AVEN: variants seen among roughly 807,000 people sequenced by gnomAD.
AVEN encodes the protein apoptosis and caspase activation inhibitor.
Under a neutral mutation model 38.1 loss-of-function variants are expected in AVEN, and 41 were observed. The observed-to-expected ratio is 1.08, with a 90% CI of 0.84 to 1.40. The LOEUF is 1.40. Ranked by LOEUF, AVEN falls within the 40% of genes most tolerant of loss-of-function variation. AVEN has a pLI of 0.00. For missense variants in AVEN, 605 were observed against 438.8 expected (o/e 1.38, Z -3.38); for synonymous variants, 206 against 171.8 (o/e 1.20, Z -1.56).
chr15:33,857,875 C>G, downstream of AVEN: 1 of 1,614,174 alleles, frequency 6.2e-7, no homozygotes, highest in Non-Finnish European at 8.5e-7. Context: ...AAAGCGAAGA[C>G]GATGACGAGC....
At chr15:33,998,926 A>G (rs568325339) in intron 2 of AVEN, among the ~76,000 whole-genome samples, 2 of 152,214 alleles carry the variant, frequency 1.3e-5, no homozygotes, top group Non-Finnish European at 2.9e-5. Flanking sequence ...TATCATCTAT[A>G]GGCTGGCATC....
intron 2 of AVEN, among the ~76,000 whole-genome samples, chr15:33,906,884 G>T (rs1892724003): frequency 6.6e-6 from 1 of 151,750 alleles, no homozygotes; most frequent in Non-Finnish European, 1.5e-5. Context: ...GATTAAAGTG[G>T]TAAATCTTAT....
chr15:33,927,134 A>T (rs1597239186), intron 2 of AVEN, among the ~76,000 whole-genome samples: 1 of 152,010 alleles, frequency 6.6e-6, no homozygotes, highest in Admixed American at 6.5e-5. Context: ...GGGCGCCTGT[A>T]GTCCCAGCTA....
intron 4 of AVEN, chr15:34,064,229 G>C (rs1165318205): frequency 6.2e-7 from 1 of 1,614,150 alleles, no homozygotes; most frequent in Middle Eastern, 1.6e-4. Context: ...CCTTCAGGAA[G>C]ACCTTTAAGA....
intron 3 of AVEN, among the ~76,000 whole-genome samples, chr15:33,874,372 G>C (rs1179661982): frequency 1.3e-5 from 2 of 151,892 alleles, no homozygotes; most frequent in Non-Finnish European, 2.9e-5. Flanking sequence ...TCCTCCTCTG[G>C]GAATACTACA....
chr15:33,934,544 A>G (rs1261417091), intron 2 of AVEN, among the ~76,000 whole-genome samples: 3 of 152,188 alleles, frequency 2.0e-5, no homozygotes, highest in African/African-American at 4.8e-5. Context: ...CCTGAGCCAC[A>G]CAAACATAAG....
intron 2 of AVEN, among the ~76,000 whole-genome samples, chr15:33,953,955 G>GA (rs1311644298): frequency 1.3e-5 from 2 of 152,024 alleles, no homozygotes; most frequent in East Asian, 1.9e-4. Context: ...AAATTTTCAA[G>GA]AAAAAATCAA....
At chr15:33,862,638 A>G (rs940305704), downstream of AVEN, among the ~76,000 whole-genome samples, 4 of 151,882 alleles carry the variant, frequency 2.6e-5, no homozygotes, top group African/African-American at 9.7e-5. Context: ...ATTTATTGAG[A>G]CAGTCTCTGT....
intron 2 of AVEN, among the ~76,000 whole-genome samples, chr15:33,931,349 C>CTTTTTTTTTTTTT (rs71119903): frequency 5.6e-5 from 5 of 89,272 alleles, no homozygotes; most frequent in African/African-American, 2.1e-4. Context: ...TGAATATTTT[C>CTTTTTTTTTTTTT]TTTTTTTTTT....
intron 2 of AVEN, among the ~76,000 whole-genome samples, chr15:33,905,811 C>CA (rs1165938508): frequency 1.6e-5 from 2 of 127,608 alleles, no homozygotes; most frequent in African/African-American, 6.0e-5. Flanking sequence ...CAAATTGAGA[C>CA]CTTGTTTCGG....
chr15:33,934,148 A>G (rs1296528302), intron 2 of AVEN, among the ~76,000 whole-genome samples: 2 of 151,608 alleles, frequency 1.3e-5, no homozygotes, highest in Non-Finnish European at 2.9e-5. Flanking sequence ...TCAAGGCAGG[A>G]GGATGGCTTG....
chr15:34,067,802 A>G (rs1220170394), intron 2 of AVEN, among the ~76,000 whole-genome samples: 1 of 152,176 alleles, frequency 6.6e-6, no homozygotes, highest in African/African-American at 2.4e-5. Context: ...CTTGTCAACT[A>G]TTTAAAGAGT....
chr15:33,859,927 A>G (rs1201431776), intron 11 of AVEN, among the ~76,000 whole-genome samples: 1 of 152,348 alleles, frequency 6.6e-6, no homozygotes, highest in East Asian at 1.9e-4. Flanking sequence ...AGGCACAGTT[A>G]TAAGAAGCTT....
At chr15:33,911,149 A>G (rs1317905782) in intron 2 of AVEN, among the ~76,000 whole-genome samples, 2 of 152,176 alleles carry the variant, frequency 1.3e-5, no homozygotes, top group African/African-American at 2.4e-5. Context: ...CAACTCCAGC[A>G]CCACCACCTC....
intron 2 of AVEN, among the ~76,000 whole-genome samples, chr15:33,994,564 AGGTTGG>A (rs1896858442): frequency 6.6e-6 from 1 of 152,206 alleles, no homozygotes; most frequent in Non-Finnish European, 1.5e-5. Context: ...GGTGCCAAAA[AGGTTGG>A]GGACCTCTGC....
intron 2 of AVEN, among the ~76,000 whole-genome samples, chr15:33,949,022 A>C (rs1894618211): frequency 6.6e-6 from 1 of 151,568 alleles, no homozygotes; most frequent in South Asian, 2.1e-4. Flanking sequence ...TCATTTCAAC[A>C]AACAGTTCTT....
intron 2 of AVEN, among the ~76,000 whole-genome samples, chr15:33,892,852 T>C (rs1183801698): frequency 1.3e-5 from 2 of 152,094 alleles, no homozygotes; most frequent in African/African-American, 4.8e-5. Flanking sequence ...TTCCTACCCG[T>C]GGGCATGGAA....
intron 2 of AVEN, among the ~76,000 whole-genome samples, chr15:33,920,618 C>G (rs1335443194): frequency 6.6e-6 from 1 of 152,130 alleles, no homozygotes; most frequent in Non-Finnish European, 1.5e-5. Context: ...CAAAGCAAAA[C>G]ACTTTAAAAA....
chr15:33,966,324 A>G (rs1478440632), intron 2 of AVEN, among the ~76,000 whole-genome samples: 3 of 152,306 alleles, frequency 2.0e-5, no homozygotes, highest in African/African-American at 7.2e-5. Flanking sequence ...AAATGGTGAT[A>G]ATCAGTAACT....
Sources: allele counts gnomAD v4.1 joint callset (sites outside exome capture counted in the v4.1 genomes callset), GRCh38; gene constraint gnomAD v4.1.1; transcripts MANE v1.5; gene names NCBI Gene and HGNC (gene_info 2026-07-23, HGNC 2026-07-21).